Variants in STAU2 observed in about 807,000 individuals in gnomAD.
The protein encoded by STAU2 is double-stranded RNA-binding protein Staufen homolog 2.
A neutral mutation model predicts 65.9 loss-of-function variants in STAU2; 20 were observed. The ratio of observed to expected loss-of-function variants is 0.30; its 90% CI spans 0.21 to 0.44. The LOEUF is 0.44. STAU2 is among the 20% of genes least tolerant of loss of function. The pLI is 1.00. For synonymous variants in STAU2, 232 were observed against 233.9 expected (o/e 0.99, Z 0.07); for missense variants, 558 against 683.9 (o/e 0.82, Z 2.05).
rs58676230 is a variant in STAU2, at chr8:73,436,650, G to C, written c.1531-13948C>G. 7.1e-3 allele frequency among the ~76,000 whole-genome samples: 1,075 copies of C among 151,336 alleles called. 16 individuals are homozygous for C. Among genetic ancestry groups the C allele is most frequent in the African/African-American group, 0.025 (1,024 of 41,166 alleles). ...CACCCAGGCTGGAGTGCAGTGGCGC[G>C]ATCTCGGCTCACTGCAACCTCCACC... On this transcript the variant is annotated intron_variant, in intron 13 of 14. Coordinates refer to ENST00000524300, the MANE Select transcript of STAU2 (RefSeq NM_001164380.2).
At position 73,739,869 on chromosome 8, in the gene STAU2, C is replaced by A. The variant is rs1335650903; in HGVS notation, c.-196-1G>T. 6.7e-6 allele frequency: 7 copies of A among 1,048,390 alleles called. No homozygotes were observed. The Admixed American group carries it at 1.2e-4, about 18-fold the overall frequency. 64.9% of individuals were successfully genotyped at this position (1,048,390 alleles called of 1,614,324 possible). On this transcript the variant is annotated splice_acceptor_variant, in intron 1 of 14. Coordinates refer to ENST00000524300, the MANE Select transcript of STAU2 (RefSeq NM_001164380.2). LOFTEE classifies it low-confidence loss of function (5UTR_SPLICE). ...CTAAAGTCCTTGTGGTAGGCAGCCT[C>A]TAACAAATAGAATATAGCAGAAATA... is the stretch of plus-strand genomic sequence containing the variant.
intron 12 of STAU2, among the ~76,000 whole-genome samples, chr8:73,580,296 A>G (rs1381314454): frequency 1.3e-5 from 2 of 152,254 alleles, no homozygotes; most frequent in South Asian, 2.1e-4. Context: ...TAATCATTTT[A>G]TAAATGTTAC....
chr8:73,682,120 C>G (rs953809621), intron 5 of STAU2, among the ~76,000 whole-genome samples: 15 of 152,096 alleles, frequency 9.9e-5, no homozygotes, highest in Admixed American at 3.3e-4. Context: ...TACCCTACAA[C>G]AAATGGATTT....
At chr8:73,696,526 A>C (rs1006417686) in intron 4 of STAU2, among the ~76,000 whole-genome samples, 4 of 152,226 alleles carry the variant, frequency 2.6e-5, no homozygotes, top group African/African-American at 9.6e-5. Context: ...TTATCAGATA[A>C]ATTTAACCAA....
intron 13 of STAU2, among the ~76,000 whole-genome samples, chr8:73,459,932 G>C (rs1432225285): frequency 6.6e-6 from 1 of 152,166 alleles, no homozygotes; most frequent in Non-Finnish European, 1.5e-5. Context: ...TGCGTCCCCA[G>C]CCCCAGCCGT....
intron 6 of STAU2, among the ~76,000 whole-genome samples, chr8:73,618,346 T>C (rs1812987728): frequency 1.3e-5 from 2 of 152,126 alleles, no homozygotes; most frequent in South Asian, 2.1e-4. Context: ...AAAATATCAA[T>C]TGTGTAAAGA....
chr8:73,634,112 C>A (rs1460760242), intron 6 of STAU2, among the ~76,000 whole-genome samples: 1 of 152,084 alleles, frequency 6.6e-6, no homozygotes, highest in African/African-American at 2.4e-5. Context: ...CAAAGAAATG[C>A]AAATTAAAAT....
At chr8:73,473,752 C>G (rs1820166747) in intron 13 of STAU2, among the ~76,000 whole-genome samples, 1 of 152,152 alleles carries the variant, frequency 6.6e-6, no homozygotes, top group South Asian at 2.1e-4. Flanking sequence ...ATTAAGTGCT[C>G]ACTAGCTAAA....
chr8:73,557,441 T>C (rs1441522275), intron 12 of STAU2, among the ~76,000 whole-genome samples: 4 of 152,202 alleles, frequency 2.6e-5, no homozygotes, highest in Admixed American at 1.3e-4. Context: ...CGCTTTTCAA[T>C]AGTATAAAGA....
chr8:73,731,854 A>ACCTGAACC (rs1806093461), intron 3 of STAU2, among the ~76,000 whole-genome samples: 1 of 152,134 alleles, frequency 6.6e-6, no homozygotes, highest in South Asian at 2.1e-4. Flanking sequence ...CAGGAGAATC[A>ACCTGAACC]CCTGAACCTG....
At chr8:73,478,305 TAAAAAAAA>T (rs10660977) in intron 13 of STAU2, among the ~76,000 whole-genome samples, 1 of 77,518 alleles carries the variant, frequency 1.3e-5, no homozygotes, top group Non-Finnish European at 2.6e-5. Flanking sequence ...ACTGATGAGC[TAAAAAAAA>T]AAAAAAAAAA....
At chr8:73,513,696 T>A (rs1822540920) in intron 13 of STAU2, among the ~76,000 whole-genome samples, 1 of 152,166 alleles carries the variant, frequency 6.6e-6, no homozygotes, top group African/African-American at 2.4e-5. Flanking sequence ...TGGCCCCAAC[T>A]AGGAATGTAA....
At chr8:73,713,982 C>T (rs1034641301) in intron 3 of STAU2, among the ~76,000 whole-genome samples, 1 of 152,158 alleles carries the variant, frequency 6.6e-6, no homozygotes, top group African/African-American at 2.4e-5. Context: ...CGGCTCACTG[C>T]AACCTCCACC....
intron 12 of STAU2, among the ~76,000 whole-genome samples, chr8:73,575,709 A>G (rs1272686074): frequency 2.6e-5 from 4 of 152,116 alleles, no homozygotes; most frequent in Non-Finnish European, 5.9e-5. Flanking sequence ...AGGCTAGGGG[A>G]TTGAATAATA....
chr8:73,524,402 T>C (rs575171621), intron 13 of STAU2, among the ~76,000 whole-genome samples: 21 of 152,278 alleles, frequency 1.4e-4, no homozygotes, highest in African/African-American at 4.8e-4. Context: ...ATCATCAGCA[T>C]ATAGATGGTA....
chr8:73,696,820 T>C (rs1193578500), intron 4 of STAU2, among the ~76,000 whole-genome samples: 2 of 152,156 alleles, frequency 1.3e-5, no homozygotes. Context: ...AGAAAGTTTA[T>C]TCAAAGGGAT....
chr8:73,711,565 C>A (rs1399371196), intron 3 of STAU2, among the ~76,000 whole-genome samples: 1 of 152,042 alleles, frequency 6.6e-6, no homozygotes, highest in Non-Finnish European at 1.5e-5. Flanking sequence ...TAGAAGCATA[C>A]AAACATAGTG....
intron 9 of STAU2, among the ~76,000 whole-genome samples, chr8:73,611,623 T>G (rs538638940): frequency 6.6e-6 from 1 of 151,404 alleles, no homozygotes; most frequent in Admixed American, 6.6e-5. Flanking sequence ...ACTATAGAAA[T>G]GTACAGATCT....
At chr8:73,552,894 C>A (rs550517045) in intron 12 of STAU2, among the ~76,000 whole-genome samples, 1 of 152,200 alleles carries the variant, frequency 6.6e-6, no homozygotes, top group Non-Finnish European at 1.5e-5. Context: ...CTGTCTCTAA[C>A]TTGCTTTGCT....
Sources: gnomAD v4.1 joint callset for allele counts (sites outside exome capture counted in the v4.1 genomes callset) on GRCh38, gnomAD v4.1.1 for gene constraint, MANE v1.5 for transcripts, NCBI Gene and HGNC (gene_info 2026-07-23, HGNC 2026-07-21) for gene names.